The following LONRF2 variants were observed in gnomAD, a reference collection of about 807,000 sequenced individuals.
LONRF2 encodes the protein LON peptidase N-terminal domain and ring finger 2.
A neutral mutation model predicts 66.6 loss-of-function variants in LONRF2; 35 were observed. The ratio of observed to expected loss-of-function variants is 0.53; its 90% CI spans 0.40 to 0.70. The LOEUF is 0.70. Ranked by LOEUF, LONRF2 falls within the 30% of genes least tolerant of loss-of-function variation. The pLI is 0.00. For synonymous variants in LONRF2, 417 were observed against 418.1 expected (o/e 1.00, Z 0.03); for missense variants, 902 against 1,002.1 (o/e 0.90, Z 1.35).
Position 100,299,419 on chromosome 2 carries a change from A to G in LONRF2, c.1268-100T>C, listed in dbSNP as rs1057300945. On this transcript the variant is annotated intron_variant, in intron 5 of 11. Coordinates refer to ENST00000393437, the MANE Select transcript of LONRF2 (RefSeq NM_198461.4). Reference sequence around the variant, plus strand: ...TCTCTGGACCAAACGTGTTGTATCAATGTAACAAATCACACTGGGCAGAAA... The same window carrying G: ...TCTCTGGACCAAACGTGTTGTATCAGTGTAACAAATCACACTGGGCAGAAA... 8 of 694,214 alleles carry G rather than the reference A, an allele frequency of 1.2e-5. No individual in the cohort carries two copies. The Admixed American group carries it at 1.3e-4, about 11-fold the overall frequency. The allele number at this position is 694,214 out of a possible 1,614,324, so 43.0% of individuals were successfully genotyped here.
intron 2 of LONRF2, among the ~76,000 whole-genome samples, chr2:100,306,076 G>T (rs12990928): frequency 0.19 from 28,766 of 150,372 alleles, 3,009 homozygotes; most frequent in Middle Eastern, 0.27. Context: ...GCTATTTTTT[G>T]TGTGTGTGTG....
chr2:100,316,353 T>C (rs936809398), intron 1 of LONRF2, among the ~76,000 whole-genome samples: 1 of 150,004 alleles, frequency 6.7e-6, no homozygotes, highest in African/African-American at 2.4e-5. Context: ...GAAAATTTTC[T>C]AATAATTATT....
intron 2 of LONRF2, among the ~76,000 whole-genome samples, chr2:100,308,598 C>T (rs116330173): frequency 0.02 from 2,976 of 152,126 alleles, 101 homozygotes; most frequent in African/African-American, 0.067. Flanking sequence ...TTATTAGATC[C>T]GCAAAGTTCG....
In LONRF2 at chr2:100,299,753, G is replaced by A. The variant is rs370124790; in HGVS notation, c.1231C>T (p.Pro411Ser). The stretch of plus-strand genomic sequence containing the variant: ...ATTTTTCCAGGGGCGTTCAGGTCAG[G>A]TGCATCCTCCACGTCATCCGGAAAC... ...RQFPDDVEDA[P>S]DLNAPGKIPK... Residue 411 changes from proline to serine, a missense_variant, in exon 5 of 12, where the codon CCT becomes TCT. Transcript: ENST00000393437. 3 of 1,613,966 alleles carry A rather than the reference G, an allele frequency of 1.9e-6. No homozygotes were observed. Among genetic ancestry groups the A allele is most frequent in the African/African-American group, 2.7e-5 (2 of 74,896 alleles).
chr2:100,305,782 T>A (rs750446603), intron 2 of LONRF2, among the ~76,000 whole-genome samples: 36 of 152,358 alleles, frequency 2.4e-4, no homozygotes, highest in Non-Finnish European at 5.0e-4. Context: ...GTTTTACTAA[T>A]TTTCTTATTC....
chr2:100,301,972 T>C lies in LONRF2; in HGVS notation c.921+949A>G, dbSNP rs951140918. Among the ~76,000 whole-genome samples, 3 of 152,236 alleles carry C rather than the reference T, an allele frequency of 2.0e-5. No homozygotes were observed. In the South Asian group the frequency reaches 6.2e-4, roughly 32 times the overall value. On this transcript the variant is annotated intron_variant, in intron 3 of 11. Coordinates refer to ENST00000393437, the MANE Select transcript of LONRF2 (RefSeq NM_198461.4). ...TTGAACAACTGTCAGGACAACTGAA[T>C]GGGACTAACGCCAATCAATTGCACA...
In LONRF2 at chr2:100,303,172, C is replaced by A. The variant is rs1352949574; in HGVS notation, c.799-129G>T. On this transcript the variant is annotated intron_variant, in intron 2 of 11. Coordinates refer to ENST00000393437, the MANE Select transcript of LONRF2 (RefSeq NM_198461.4). ...TTCACATTACATAGAATAAACAAAG[C>A]CCATCAAAGGATGACTCTATCGCTA... The A allele has an allele frequency of 1.3e-5, 13 of 975,054 alleles. No individual in the cohort carries two copies. In the East Asian group the frequency reaches 2.9e-4, roughly 22 times the overall value. 60.4% of individuals were successfully genotyped at this position (975,054 alleles called of 1,614,324 possible).
chr2:100,299,947 G>A (rs761874540), intron 4 of LONRF2, 29 bp from the exon 5 acceptor site: 1 of 1,332,374 alleles, frequency 7.5e-7, no homozygotes. Context: ...AAGGAATCCT[G>A]AGTATTAAAG....
rs529211007 is a variant in LONRF2 at position 100,271,941 on chromosome 2, C to T, written c.*12357G>A. 1.4e-4 allele frequency among the ~76,000 whole-genome samples: 21 copies of T among 152,294 alleles called. No individual in the cohort carries two copies. Among genetic ancestry groups the T allele is most frequent in the South Asian group, 1.2e-3 (6 of 4,826 alleles). On this transcript the variant is annotated 3_prime_UTR_variant, in exon 12 of 12. Transcript: ENST00000393437. ...CGTCATCACAGAAAGTTTCATCCAA[C>T]AGTGCTGAAGGAGTTAAGATTAGTC...
intron 9 of LONRF2, 73 bp downstream of exon 9, chr2:100,294,156 A>C (rs1218976175): frequency 6.4e-7 from 1 of 1,566,400 alleles, no homozygotes; most frequent in African/African-American, 1.4e-5. Context: ...ATCAGCCTAA[A>C]TCATTCTGCA....
intron 7 of LONRF2, among the ~76,000 whole-genome samples, chr2:100,297,827 C>T (rs1243139535): frequency 2.0e-5 from 3 of 152,154 alleles, no homozygotes. Context: ...CAAGTATGTG[C>T]ATACAATGTT....
At position 100,295,701 on chromosome 2, in the gene LONRF2, G is replaced by A. The variant is rs1675052751; in HGVS notation, c.1477-148C>T. On this transcript the variant is annotated intron_variant, in intron 7 of 11. Coordinates refer to ENST00000393437, the MANE Select transcript of LONRF2 (RefSeq NM_198461.4). ...GATGGAGAGAGAGGCGGGCCAGCCT[G>A]TAACAAGAGCAGGGGCAGCCCCTCC... 5.7e-6 allele frequency: 4 copies of A among 697,890 alleles called. No individual in the cohort carries two copies. In the Admixed American group the frequency reaches 9.6e-5, roughly 17 times the overall value. 43.2% of individuals were successfully genotyped at this position (697,890 alleles called of 1,614,324 possible).
intron 4 of LONRF2, 108 bp from the exon 5 acceptor site, chr2:100,300,026 G>T: frequency 4.1e-6 from 2 of 488,786 alleles, no homozygotes; most frequent in Non-Finnish European, 7.2e-6. Context: ...AAAAGGGGGG[G>T]GCATACACTC....
rs938142177 is a variant in LONRF2 at position 100,274,036 on chromosome 2, A to G, written c.*10262T>C. On this transcript the variant is annotated 3_prime_UTR_variant, in exon 12 of 12. Transcript: ENST00000393437. Reference sequence around the variant, plus strand: ...GAAAGTGAAAATACTATGGTAAATAACGAAGGCCCCAATGCAATTTTTGAA... The same window carrying G: ...GAAAGTGAAAATACTATGGTAAATAGCGAAGGCCCCAATGCAATTTTTGAA... The G allele has an allele frequency of 6.6e-6, 1 of 152,238 alleles. No homozygotes were observed. The highest frequency in any genetic ancestry group is 1.5e-5 in the Non-Finnish European group (1 of 68,040). 9.4% of individuals were successfully genotyped at this position (152,238 alleles called of 1,614,324 possible).
intron 10 of LONRF2, among the ~76,000 whole-genome samples, chr2:100,287,289 C>T (rs1018370918): frequency 6.6e-6 from 1 of 152,162 alleles, no homozygotes; most frequent in African/African-American, 2.4e-5. Flanking sequence ...AATATAAGCA[C>T]ATTTCCTGTA....
intron 2 of LONRF2, among the ~76,000 whole-genome samples, chr2:100,304,173 G>A (rs2105728583): frequency 6.6e-6 from 1 of 150,380 alleles, no homozygotes; most frequent in African/African-American, 2.5e-5. Context: ...CTTTTTTAGA[G>A]ACAGGGTCTC....
intron 1 of LONRF2, among the ~76,000 whole-genome samples, chr2:100,314,340 T>C (rs1675463450): frequency 6.6e-6 from 1 of 152,238 alleles, no homozygotes; most frequent in Non-Finnish European, 1.5e-5. Flanking sequence ...ATTTGAGCAC[T>C]AATTATGTTG....
chr2:100,299,027 C>G, intron 6 of LONRF2, 77 bp from the exon 7 acceptor site: 2 of 1,130,124 alleles, frequency 1.8e-6, no homozygotes, highest in Non-Finnish European at 2.7e-6. Context: ...TTGAAGGATT[C>G]CTTATGCAAT....
rs756374966 is a variant in LONRF2 at position 100,284,435 on chromosome 2, G to T, written c.2128C>A (p.Arg710Ser). 6 of 1,608,422 alleles carry T rather than the reference G, an allele frequency of 3.7e-6. No individual in the cohort carries two copies. The highest frequency in any genetic ancestry group is 5.1e-6 in the Non-Finnish European group (6 of 1,177,756). Residue 710 changes from arginine (R) to serine (S), a missense_variant, in exon 12 of 12, where the codon CGC (arginine) becomes AGC (serine). Around this residue, in one of 2 missense-constraint regions of LONRF2, gnomAD observed 317 missense variants for 432.2 expected, o/e 0.73. Coordinates refer to ENST00000393437, the MANE Select transcript of LONRF2 (RefSeq NM_198461.4). Reference sequence around the variant, plus strand: ...CCGAGGATGGCCAGCTGAGCCTTGCGCTCCAGGGGCAGCACGGCCAGGATC... The same window carrying T: ...CCGAGGATGGCCAGCTGAGCCTTGCTCTCCAGGGGCAGCACGGCCAGGATC... ...WWILAVLPLE[R>S]KAQLAILGMT...
Sources: gnomAD v4.1 joint callset for allele counts (sites outside exome capture counted in the v4.1 genomes callset) on GRCh38, gnomAD v4.1.1 for gene constraint, gnomAD v4.1.1 regional missense constraint, MANE v1.5 for transcripts, NCBI Gene and HGNC (gene_info 2026-07-23, HGNC 2026-07-21) for gene names.